Variants in RASGRF2 observed in about 807,000 individuals in gnomAD.
RASGRF2 encodes ras-specific guanine nucleotide-releasing factor 2.
Under a neutral mutation model 151.0 loss-of-function variants are expected in RASGRF2, and 76 were observed. The observed-to-expected ratio is 0.50, with a 90% CI of 0.42 to 0.61. RASGRF2 has a LOEUF of 0.61. Among genes scored for constraint, RASGRF2 ranks in the 20% least tolerant of loss-of-function variants. The probability of loss-of-function intolerance (pLI) is 0.00; values close to 1 mark genes in which losing one functional copy is unlikely to be tolerated. For synonymous variants in RASGRF2, 504 were observed against 566.5 expected (o/e 0.89, Z 1.57); for missense variants, 1,148 against 1,564.6 (o/e 0.73, Z 4.49).
intron 1 of RASGRF2, among the ~76,000 whole-genome samples, chr5:81,027,941 G>A (rs1208010487): frequency 6.6e-6 from 1 of 152,158 alleles, no homozygotes; most frequent in Non-Finnish European, 1.5e-5. Context: ...TATCTGTAGT[G>A]GTTGAGAAAT....
intron 9 of RASGRF2, among the ~76,000 whole-genome samples, chr5:81,088,945 T>C (rs1459021203): frequency 2.7e-5 from 4 of 150,628 alleles, no homozygotes; most frequent in East Asian, 3.8e-4. Context: ...CTGTCAGCTA[T>C]GAATATTTCT....
intron 10 of RASGRF2, 95 bp from the exon 11 acceptor site, chr5:81,094,201 C>G: frequency 1.0e-6 from 1 of 974,044 alleles, no homozygotes; most frequent in Non-Finnish European, 1.5e-6. Context: ...GCTATGCTTT[C>G]TTCCATGGCA....
intron 2 of RASGRF2, among the ~76,000 whole-genome samples, chr5:81,064,493 G>A (rs1303893706): frequency 6.6e-6 from 1 of 152,190 alleles, no homozygotes; most frequent in Admixed American, 6.5e-5. Flanking sequence ...AAGGGGTTGA[G>A]TACTAGAAGC....
chr5:81,202,760 A>G (rs924554346), intron 19 of RASGRF2, among the ~76,000 whole-genome samples: 3 of 152,258 alleles, frequency 2.0e-5, no homozygotes, highest in East Asian at 3.8e-4. Context: ...GAAGTCAACC[A>G]TGGAAGACAG....
chr5:81,135,803 A>G (rs924969264), intron 17 of RASGRF2, among the ~76,000 whole-genome samples: 5 of 152,224 alleles, frequency 3.3e-5, no homozygotes, highest in Non-Finnish European at 7.3e-5. Context: ...ACCCAGGAGT[A>G]GATTTGCTAG....
intron 9 of RASGRF2, chr5:81,087,377 T>C (rs1371109849): frequency 1.4e-6 from 1 of 700,136 alleles, no homozygotes; most frequent in Admixed American, 2.0e-5. Flanking sequence ...AACAGCTGTC[T>C]GTTGTTCCCA....
At chr5:81,042,209 A>G (rs910531979) in intron 1 of RASGRF2, among the ~76,000 whole-genome samples, 17 of 152,198 alleles carry the variant, frequency 1.1e-4, no homozygotes, top group Admixed American at 2.6e-4. Context: ...CCTTTCATCC[A>G]ACAATAACTT....
chr5:81,080,557 G>GT, intron 6 of RASGRF2, 39 bp from the exon 7 acceptor site: 1 of 1,572,946 alleles, frequency 6.4e-7, no homozygotes, highest in Non-Finnish European at 8.7e-7. Flanking sequence ...AATTTACCAA[G>GT]CAACAAGGGA....
intron 1 of RASGRF2, among the ~76,000 whole-genome samples, chr5:80,978,741 C>T (rs1026065663): frequency 3.2e-4 from 48 of 151,538 alleles, no homozygotes; most frequent in African/African-American, 1.1e-3. Context: ...GAGCCAAGAT[C>T]GTGCCATTGC....
intron 17 of RASGRF2, among the ~76,000 whole-genome samples, chr5:81,150,635 AACACACACACACACAT>A (rs949978777): frequency 3.3e-5 from 5 of 151,740 alleles, no homozygotes; most frequent in African/African-American, 9.7e-5. Context: ...TGTGCACGTG[AACACACACACACACAT>A]ACACACACAC....
At chr5:81,046,680 C>T (rs558066549) in intron 2 of RASGRF2, among the ~76,000 whole-genome samples, 1 of 152,014 alleles carries the variant, frequency 6.6e-6, no homozygotes, top group Non-Finnish European at 1.5e-5. Flanking sequence ...TAAAAAATAA[C>T]CTGATATTTC....
chr5:81,053,043 TAAGA>T (rs964878071), intron 2 of RASGRF2, among the ~76,000 whole-genome samples: 86 of 152,304 alleles, frequency 5.6e-4, no homozygotes, highest in Middle Eastern at 3.4e-3. Flanking sequence ...AAACAAATAT[TAAGA>T]AAGTATGATA....
intron 1 of RASGRF2, among the ~76,000 whole-genome samples, chr5:81,008,772 CT>C (rs1177356803): frequency 6.6e-6 from 1 of 152,140 alleles, no homozygotes; most frequent in African/African-American, 2.4e-5. Flanking sequence ...ACAGAAATGG[CT>C]AGGGTGGCAT....
At chr5:81,151,825 T>C (rs1205513273) in intron 17 of RASGRF2, among the ~76,000 whole-genome samples, 1 of 152,204 alleles carries the variant, frequency 6.6e-6, no homozygotes, top group African/African-American at 2.4e-5. Context: ...GCTATGATCA[T>C]GTATATGTTT....
intron 23 of RASGRF2, among the ~76,000 whole-genome samples, chr5:81,215,479 C>T (rs565283215): frequency 6.6e-6 from 1 of 152,024 alleles, no homozygotes; most frequent in Non-Finnish European, 1.5e-5. Flanking sequence ...CCATGTTAGC[C>T]AGGATGGTCT....
intron 1 of RASGRF2, among the ~76,000 whole-genome samples, chr5:80,987,635 C>G (rs1437602705): frequency 1.3e-5 from 2 of 152,146 alleles, no homozygotes; most frequent in Non-Finnish European, 2.9e-5. Context: ...ACTTAATACT[C>G]AGAAGGTTGC....
intron 18 of RASGRF2, among the ~76,000 whole-genome samples, 172 bp downstream of exon 18, chr5:81,180,453 G>C (rs1754887656): frequency 6.6e-6 from 1 of 152,202 alleles, no homozygotes; most frequent in Non-Finnish European, 1.5e-5. Context: ...GCAGACACAA[G>C]TGTCTTGCCA....
At chr5:80,992,922 A>T (rs1748700625) in intron 1 of RASGRF2, among the ~76,000 whole-genome samples, 1 of 152,232 alleles carries the variant, frequency 6.6e-6, no homozygotes, top group Non-Finnish European at 1.5e-5. Context: ...AGGCTCCTTG[A>T]GTCAGTGATT....
chr5:81,170,553 T>G (rs1754636401), intron 17 of RASGRF2, among the ~76,000 whole-genome samples: 1 of 152,146 alleles, frequency 6.6e-6, no homozygotes, highest in Non-Finnish European at 1.5e-5. Flanking sequence ...CCCAGCCTTT[T>G]CAATCACTGC....
Sources: allele counts gnomAD v4.1 joint callset (sites outside exome capture counted in the v4.1 genomes callset), GRCh38; gene constraint gnomAD v4.1.1; transcripts MANE v1.5; gene names NCBI Gene and HGNC (gene_info 2026-07-23, HGNC 2026-07-21).